Variants in DCC observed in about 807,000 individuals in gnomAD.
The protein encoded by DCC is netrin receptor DCC.
Under a neutral mutation model 172.5 loss-of-function variants are expected in DCC, and 58 were observed. That is an observed-to-expected ratio of 0.34 (90% CI 0.27 to 0.42). DCC has a LOEUF of 0.42. Ranked by LOEUF, DCC falls within the 10% of genes least tolerant of loss-of-function variation. DCC has a pLI of 1.00. For synonymous variants in DCC, 709 were observed against 644.5 expected, an observed-to-expected ratio of 1.10 and a Z score of -1.52; for missense variants, 1,740 against 1,791.0, an observed-to-expected ratio of 0.97 and a Z score of 0.51.
chr18:52,878,726 G>A (rs2039438202), intron 2 of DCC, among the ~76,000 whole-genome samples: 1 of 152,076 alleles, frequency 6.6e-6, no homozygotes, highest in Non-Finnish European at 1.5e-5. Flanking sequence ...GGTCACTTGT[G>A]TCTCTTTCCC....
At chr18:52,428,103 T>C (rs913086019) in intron 1 of DCC, among the ~76,000 whole-genome samples, 1 of 152,088 alleles carries the variant, frequency 6.6e-6, no homozygotes, top group African/African-American at 2.4e-5. Context: ...TCTTCTTGCA[T>C]TTCTGTTTTA....
intron 12 of DCC, among the ~76,000 whole-genome samples, chr18:53,256,655 A>G (rs1030085760): frequency 1.3e-5 from 2 of 152,164 alleles, no homozygotes; most frequent in African/African-American, 4.8e-5. Flanking sequence ...TGATGCCTCC[A>G]GCTTTGTTCT....
At chr18:52,790,623 A>T (rs552194274) in intron 2 of DCC, among the ~76,000 whole-genome samples, 58 of 152,186 alleles carry the variant, frequency 3.8e-4, no homozygotes, top group Non-Finnish European at 7.2e-4. Context: ...ACCACACCAT[A>T]CAAAAGTCTG....
chr18:53,195,432 A>G (rs1269777355), intron 9 of DCC, among the ~76,000 whole-genome samples: 1 of 152,190 alleles, frequency 6.6e-6, no homozygotes, highest in East Asian at 1.9e-4. Flanking sequence ...TGATTTGTTG[A>G]TGGTGGTTAT....
chr18:53,128,870 C>CACACACACACACACACATATAT (rs1300738812), intron 7 of DCC, among the ~76,000 whole-genome samples: 1 of 77,478 alleles, frequency 1.3e-5, no homozygotes, highest in African/African-American at 6.3e-5. Flanking sequence ...CACACACACA[C>CACACACACACACACACATATAT]ATATATATAT....
intron 12 of DCC, among the ~76,000 whole-genome samples, chr18:53,217,284 C>G (rs866804058): frequency 8.4e-6 from 1 of 119,154 alleles, no homozygotes; most frequent in East Asian, 2.0e-4. Flanking sequence ...CACACACACA[C>G]ACACACACAC....
intron 21 of DCC, among the ~76,000 whole-genome samples, chr18:53,422,984 G>A (rs1910717393): frequency 6.6e-6 from 1 of 152,132 alleles, no homozygotes; most frequent in Non-Finnish European, 1.5e-5. Context: ...AGCAGAAAAT[G>A]AATAATGTGC....
chr18:52,925,480 C>T (rs2145488810), intron 5 of DCC, 110 bp downstream of exon 5: 2 of 1,137,132 alleles, frequency 1.8e-6, no homozygotes, highest in East Asian at 2.4e-5. Context: ...TGTGAAATTG[C>T]AAAGTCCCAA....
At chr18:52,474,234 G>GAGAGAGAGAGAGAGAA in intron 1 of DCC, among the ~76,000 whole-genome samples, 1 of 127,302 alleles carries the variant, frequency 7.9e-6, no homozygotes, top group South Asian at 2.7e-4. Context: ...GAGAGAGAGA[G>GAGAGAGAGAGAGAGAA]AGAGAGAGAA....
chr18:52,920,020 C>CA (rs373883714), intron 3 of DCC, among the ~76,000 whole-genome samples: 55,054 of 99,936 alleles, frequency 0.55, 12,921 homozygotes, highest in East Asian at 0.59. Flanking sequence ...TGTCCATATA[C>CA]AAAAAAAAAA....
intron 1 of DCC, among the ~76,000 whole-genome samples, chr18:52,367,852 AATTATAGGT>A (rs1984948446): frequency 6.6e-6 from 1 of 152,136 alleles, no homozygotes; most frequent in Non-Finnish European, 1.5e-5. Flanking sequence ...GTACTGTGGG[AATTATAGGT>A]ATTCTTTCTG....
chr18:53,096,442 T>C (rs2043089244), intron 7 of DCC, among the ~76,000 whole-genome samples: 1 of 152,156 alleles, frequency 6.6e-6, no homozygotes, highest in Admixed American at 6.6e-5. Context: ...CGTGGTCAGA[T>C]CTCTAGTTGA....
At chr18:52,849,593 A>G (rs575298406) in intron 2 of DCC, among the ~76,000 whole-genome samples, 11 of 152,318 alleles carry the variant, frequency 7.2e-5, no homozygotes, top group African/African-American at 2.4e-4. Context: ...TTTTGTACCT[A>G]TTTCCAAAAC....
intron 7 of DCC, among the ~76,000 whole-genome samples, chr18:53,099,916 G>C (rs370427952): frequency 5.6e-5 from 8 of 143,546 alleles, no homozygotes; most frequent in African/African-American, 2.1e-4. Flanking sequence ...ACTCACTTAA[G>C]AGACTTTTCT....
intron 5 of DCC, among the ~76,000 whole-genome samples, chr18:53,006,352 A>G (rs1462578019): frequency 6.6e-6 from 1 of 152,128 alleles, no homozygotes; most frequent in Non-Finnish European, 1.5e-5. Context: ...CTCATCTCAA[A>G]CCCATTCCTC....
At chr18:53,299,189 G>A (rs1177537619) in intron 12 of DCC, among the ~76,000 whole-genome samples, 4 of 152,094 alleles carry the variant, frequency 2.6e-5, no homozygotes, top group Non-Finnish European at 4.4e-5. Context: ...GTGTATTTAA[G>A]ACTATGAGTT....
At chr18:52,881,746 GT>G (rs1243449951) in intron 2 of DCC, among the ~76,000 whole-genome samples, 1 of 152,008 alleles carries the variant, frequency 6.6e-6, no homozygotes, top group Non-Finnish European at 1.5e-5. Flanking sequence ...GATTATTTTA[GT>G]TTTTTTCTTT....
chr18:53,405,649 G>A (rs147909915), intron 19 of DCC, among the ~76,000 whole-genome samples: 1,549 of 152,254 alleles, frequency 0.01, 30 homozygotes, highest in African/African-American at 0.034. Flanking sequence ...TAATCACAGT[G>A]CCTAAATTCT....
intron 1 of DCC, among the ~76,000 whole-genome samples, chr18:52,541,899 G>GTATATATATATATATATATATATGTA (rs1390082523): frequency 3.7e-5 from 5 of 136,038 alleles, no homozygotes; most frequent in East Asian, 2.1e-4. Flanking sequence ...ATATATATGT[G>GTATATATATATATATATATATATGTA]TATATATATA....
Sources: gnomAD v4.1 joint callset for allele counts (sites outside exome capture counted in the v4.1 genomes callset) on GRCh38, gnomAD v4.1.1 for gene constraint, MANE v1.5 for transcripts, NCBI Gene and HGNC (gene_info 2026-07-23, HGNC 2026-07-21) for gene names.